The following OR2L13 variants were observed in gnomAD, a reference collection of about 807,000 sequenced individuals.
OR2L13 encodes olfactory receptor family 2 subfamily L member 13.
In OR2L13, 14 loss-of-function variants were observed where a neutral mutation model predicts 15.3. That is an observed-to-expected ratio of 0.91 (90% CI 0.60 to 1.43). The LOEUF (loss-of-function observed/expected upper bound fraction) is 1.43, where lower values mean the gene tolerates loss of function less well. OR2L13 is among the 40% of genes most tolerant of loss of function. The probability of loss-of-function intolerance (pLI) is 0.00; values close to 1 mark genes in which losing one functional copy is unlikely to be tolerated. For synonymous variants in OR2L13, 152 were observed against 142.9 expected, an observed-to-expected ratio of 1.06 and a Z score of -0.45; for missense variants, 367 against 387.9, an observed-to-expected ratio of 0.95 and a Z score of 0.45.
chr1:247,950,656 C>T, the OR2L13 span, among the ~76,000 whole-genome samples: 120,893 of 151,968 alleles, frequency 0.8, 52,447 homozygotes, highest in South Asian at 0.95. Flanking sequence ...CACAGAAAGA[C>T]AGATTTTGCA....
the OR2L13 span, among the ~76,000 whole-genome samples, chr1:248,010,539 A>G: frequency 4.7e-3 from 716 of 152,094 alleles, 5 homozygotes; most frequent in African/African-American, 0.016. Context: ...AAAGTCTCCC[A>G]TTATTATTGT....
chr1:247,962,258 A>G, the OR2L13 span, among the ~76,000 whole-genome samples: 319 of 152,340 alleles, frequency 2.1e-3, 3 homozygotes, highest in Middle Eastern at 0.024. Context: ...AATTGCAAAG[A>G]TATTTCCCTG....
the OR2L13 span, among the ~76,000 whole-genome samples, chr1:248,065,705 A>G: frequency 1.3e-5 from 2 of 151,070 alleles, no homozygotes; most frequent in African/African-American, 2.4e-5. Context: ...TGTCCTTGCG[A>G]TAGTTTACTG....
chr1:247,943,854 T>A, the OR2L13 span, among the ~76,000 whole-genome samples: 1 of 152,178 alleles, frequency 6.6e-6, no homozygotes, highest in Admixed American at 6.5e-5. Flanking sequence ...TTGACTTAAT[T>A]TTTCTATATA....
chr1:248,041,800 C>T, the OR2L13 span: 1 of 152,166 alleles, frequency 6.6e-6, no homozygotes, highest in African/African-American at 2.4e-5. Flanking sequence ...CAAATCAAAA[C>T]CACAATGAGA....
the OR2L13 span, chr1:248,061,448 A>G: frequency 6.2e-7 from 1 of 1,613,994 alleles, no homozygotes; most frequent in Non-Finnish European, 8.5e-7. Context: ...CCTTTTGTCT[A>G]CACTTATCTA....
the OR2L13 span, among the ~76,000 whole-genome samples, chr1:248,053,280 G>T: frequency 6.6e-6 from 1 of 152,138 alleles, no homozygotes; most frequent in African/African-American, 2.4e-5. Context: ...CAAAGGACAT[G>T]ATCTTATTAT....
the OR2L13 span, chr1:247,965,149 A>C: frequency 4.1e-6 from 2 of 490,358 alleles, no homozygotes; most frequent in East Asian, 7.0e-5. Flanking sequence ...ACATTAGGTA[A>C]TTCTTCCAAA....
the OR2L13 span, among the ~76,000 whole-genome samples, chr1:248,073,146 A>G: frequency 6.6e-6 from 1 of 152,096 alleles, no homozygotes; most frequent in Non-Finnish European, 1.5e-5. Context: ...AAAGGACTAT[A>G]AATCATGCTG....
the OR2L13 span, chr1:248,042,312 A>G: frequency 6.8e-3 from 937 of 138,466 alleles, 13 homozygotes; most frequent in African/African-American, 0.024. Context: ...CAATGAGAAC[A>G]CATGGACACA....
At chr1:248,064,004 G>T in the OR2L13 span, among the ~76,000 whole-genome samples, 1 of 152,212 alleles carries the variant, frequency 6.6e-6, no homozygotes, top group South Asian at 2.1e-4. Flanking sequence ...ATGAAACCAT[G>T]CATGGAGCCC....
At chr1:247,943,810 A>AT in the OR2L13 span, among the ~76,000 whole-genome samples, 1 of 151,956 alleles carries the variant, frequency 6.6e-6, no homozygotes, top group African/African-American at 2.4e-5. Flanking sequence ...TTCTTTTATA[A>AT]TTTTTTCTCT....
chr1:248,063,804 G>A, the OR2L13 span, among the ~76,000 whole-genome samples: 3 of 152,100 alleles, frequency 2.0e-5, no homozygotes, highest in Non-Finnish European at 4.4e-5. Flanking sequence ...GTGTGTGTGT[G>A]TGTGTGTGTG....
the OR2L13 span, among the ~76,000 whole-genome samples, chr1:248,070,255 C>A: frequency 1.3e-5 from 2 of 152,018 alleles, no homozygotes; most frequent in African/African-American, 4.8e-5. Context: ...TGTAAAAGAA[C>A]AGAAATTATA....
chr1:248,093,375 G>T (rs755488117), upstream of OR2L13, among the ~76,000 whole-genome samples: 3 of 152,158 alleles, frequency 2.0e-5, no homozygotes, highest in Non-Finnish European at 4.4e-5. Flanking sequence ...CTCAAGTCAC[G>T]TTTCATTGCT....
At chr1:248,084,698 T>G in the OR2L13 span, 1 of 1,468,384 alleles carries the variant, frequency 6.8e-7, no homozygotes, top group East Asian at 2.3e-5. Context: ...CATAGAAAAT[T>G]CACAAATGTC....
chr1:247,975,681 T>C, the OR2L13 span: 1 of 908,630 alleles, frequency 1.1e-6, no homozygotes, highest in Non-Finnish European at 1.7e-6. Context: ...TGCCTTAGAG[T>C]CCAAGCACTA....
the OR2L13 span, among the ~76,000 whole-genome samples, chr1:248,075,088 G>A: frequency 9.2e-5 from 14 of 151,952 alleles, no homozygotes; most frequent in African/African-American, 2.7e-4. Context: ...TGATCTCATC[G>A]TTCAATTCCC....
chr1:248,099,546 G>T (rs756235117), exon 3 of OR2L13: 2 of 1,613,920 alleles, frequency 1.2e-6, no homozygotes, highest in African/African-American at 2.7e-5. Context: ...TCCACACACC[G>T]ATGTACTTTC....
Sources: gnomAD v4.1 joint callset for allele counts (sites outside exome capture counted in the v4.1 genomes callset) on GRCh38, gnomAD v4.1.1 for gene constraint, MANE v1.5 for transcripts, NCBI Gene and HGNC (gene_info 2026-07-23, HGNC 2026-07-21) for gene names.